The following TFCP2L1 variants were observed in gnomAD, a reference collection of about 807,000 sequenced individuals.
TFCP2L1 encodes the protein transcription factor CP2-like protein 1.
In TFCP2L1, 12 loss-of-function variants were observed where a neutral mutation model predicts 72.2. The observed-to-expected ratio is 0.17, with a 90% CI of 0.11 to 0.27. TFCP2L1 has a LOEUF of 0.27. Among genes scored for constraint, TFCP2L1 ranks in the 10% least tolerant of loss-of-function variants. TFCP2L1 has a pLI of 1.00. For missense variants in TFCP2L1, 488 were observed against 624.6 expected (o/e 0.78, Z 2.33); for synonymous variants, 260 against 251.0 (o/e 1.04, Z -0.34).
At chr2:121,263,810 C>A (rs905973684) in intron 2 of TFCP2L1, among the ~76,000 whole-genome samples, 3 of 152,216 alleles carry the variant, frequency 2.0e-5, no homozygotes, top group Non-Finnish European at 4.4e-5. Flanking sequence ...TATACTGGAG[C>A]CAGGGATAAC....
At chr2:121,246,265 A>G (rs1269304542) in intron 6 of TFCP2L1, among the ~76,000 whole-genome samples, 2 of 152,246 alleles carry the variant, frequency 1.3e-5, no homozygotes, top group African/African-American at 4.8e-5. Flanking sequence ...CAGATTGAAG[A>G]GATGGAAAAT....
At chr2:121,247,133 G>A (rs534861585) in intron 5 of TFCP2L1, among the ~76,000 whole-genome samples, 163 bp from the exon 6 acceptor site, 33 of 152,136 alleles carry the variant, frequency 2.2e-4, no homozygotes, top group South Asian at 2.1e-4. Flanking sequence ...CCATCAGGCC[G>A]GTGGCCTCCC....
chr2:121,270,708 G>GA (rs966525882), intron 2 of TFCP2L1, among the ~76,000 whole-genome samples: 59 of 146,830 alleles, frequency 4.0e-4, no homozygotes, highest in Non-Finnish European at 6.6e-4. Context: ...TTGTTTGGGG[G>GA]AAAAAAAAAA....
intron 2 of TFCP2L1, among the ~76,000 whole-genome samples, chr2:121,278,381 ACT>A (rs1003022363): frequency 1.4e-5 from 2 of 144,026 alleles, no homozygotes; most frequent in African/African-American, 5.1e-5. Context: ...AACTTTTAAA[ACT>A]CTTTTTAAAA....
chr2:121,238,521 T>C (rs1686297460), intron 8 of TFCP2L1, among the ~76,000 whole-genome samples: 1 of 152,138 alleles, frequency 6.6e-6, no homozygotes, highest in Non-Finnish European at 1.5e-5. Flanking sequence ...GACTGCACAC[T>C]TAAAAATGGT....
chr2:121,271,873 G>C (rs1558744995), intron 2 of TFCP2L1, among the ~76,000 whole-genome samples: 1 of 152,188 alleles, frequency 6.6e-6, no homozygotes, highest in Non-Finnish European at 1.5e-5. Context: ...CCCTGAGGTT[G>C]CTGTGAGTGG....
At chr2:121,230,708 G>C (rs1686123708) in intron 13 of TFCP2L1, among the ~76,000 whole-genome samples, 1 of 152,140 alleles carries the variant, frequency 6.6e-6, no homozygotes, top group Non-Finnish European at 1.5e-5. Flanking sequence ...GGGAGGTGGA[G>C]GTTGCAGTAA....
At chr2:121,263,557 A>G (rs1686869205) in intron 2 of TFCP2L1, among the ~76,000 whole-genome samples, 1 of 152,150 alleles carries the variant, frequency 6.6e-6, no homozygotes, top group Admixed American at 6.5e-5. Flanking sequence ...TCAGACAAAT[A>G]CAAATCAAAA....
chr2:121,275,561 A>C (rs2104760710), intron 2 of TFCP2L1, among the ~76,000 whole-genome samples: 1 of 151,034 alleles, frequency 6.6e-6, no homozygotes, highest in South Asian at 2.1e-4. Context: ...AAAGTATAGA[A>C]GTAAGTCTTT....
intron 1 of TFCP2L1, among the ~76,000 whole-genome samples, chr2:121,281,524 G>C (rs1687261435): frequency 6.6e-6 from 1 of 152,114 alleles, no homozygotes; most frequent in African/African-American, 2.4e-5. Context: ...CCATCAAGGA[G>C]GTAAAAGGGC....
At chr2:121,268,825 C>T (rs951333322) in intron 2 of TFCP2L1, among the ~76,000 whole-genome samples, 4 of 149,484 alleles carry the variant, frequency 2.7e-5, no homozygotes, top group Non-Finnish European at 5.9e-5. Context: ...ATACTAGATA[C>T]CTTTCACGGC....
chr2:121,246,719 G>A (rs1438571913), intron 6 of TFCP2L1, 99 bp downstream of exon 6: 20 of 1,489,248 alleles, frequency 1.3e-5, no homozygotes, highest in East Asian at 4.6e-5. Context: ...TGCGTTCCTC[G>A]CTGGGCCTGT....
intron 2 of TFCP2L1, among the ~76,000 whole-genome samples, chr2:121,279,985 C>T (rs181879120): frequency 1.3e-5 from 2 of 152,168 alleles, no homozygotes; most frequent in South Asian, 2.1e-4. Context: ...GGTCATGAGA[C>T]GACCCAGAAG....
At chr2:121,262,331 G>T (rs1686842272) in intron 2 of TFCP2L1, among the ~76,000 whole-genome samples, 1 of 152,100 alleles carries the variant, frequency 6.6e-6, no homozygotes, top group African/African-American at 2.4e-5. Flanking sequence ...CGGGCGTGGT[G>T]GCGGGCGCCT....
chr2:121,245,636 C>G (rs1358906605), intron 6 of TFCP2L1, among the ~76,000 whole-genome samples: 1 of 152,208 alleles, frequency 6.6e-6, no homozygotes, highest in Non-Finnish European at 1.5e-5. Context: ...GCTGTGTGGT[C>G]TCCTGAGTGC....
At position 121,240,590 on chromosome 2, in the gene TFCP2L1, C is replaced by T. The variant is rs184826021; in HGVS notation, c.769-941G>A. The T allele has an allele frequency of 3.4e-4, 331 of 985,450 alleles. No homozygotes were observed. The African/African-American group carries it at 5.6e-3, about 17-fold the overall frequency. The allele number at this position is 985,450 out of a possible 1,614,324, so 61.0% of individuals were successfully genotyped here. A position where few individuals can be genotyped will look rare whatever the true frequency, so the allele number is the denominator to read the frequency against. On this transcript the variant is annotated intron_variant, in intron 7 of 14. Transcript: ENST00000263707. Reference sequence around the variant, plus strand: ...GGTGCCTCCCAGGGTGGGCTTTCAACTACGCTGCACTGTGGCAAGGGCTTG... The same window carrying T: ...GGTGCCTCCCAGGGTGGGCTTTCAATTACGCTGCACTGTGGCAAGGGCTTG...
Position 121,281,689 on chromosome 2 carries a change from A to G in TFCP2L1, c.63-418T>C, listed in dbSNP as rs1229119288. Among the ~76,000 whole-genome samples the G allele has an allele frequency of 5.3e-5, 8 of 152,276 alleles. No individual in the cohort carries two copies. In the East Asian group the frequency reaches 9.7e-4, roughly 18 times the overall value. ...ATCTAAACAAACATTTTTATTTTTTAATCAACAATTCCATTTACCGGCCAC... is the reference window on the plus strand; with the variant it reads ...ATCTAAACAAACATTTTTATTTTTTGATCAACAATTCCATTTACCGGCCAC... On this transcript the variant is annotated intron_variant, in intron 1 of 14. Transcript: ENST00000263707.
intron 14 of TFCP2L1, among the ~76,000 whole-genome samples, chr2:121,225,246 G>A (rs941540381): frequency 1.3e-5 from 2 of 152,030 alleles, no homozygotes; most frequent in African/African-American, 4.8e-5. Flanking sequence ...CCCGACCCAC[G>A]CTACCTGCAG....
chr2:121,231,681 G>A, intron 13 of TFCP2L1, 145 bp downstream of exon 13: 2 of 1,246,286 alleles, frequency 1.6e-6, no homozygotes, highest in Non-Finnish European at 2.2e-6. Context: ...CTCCATCGCA[G>A]CCCCGGACAG....
Sources: allele counts gnomAD v4.1 joint callset (sites outside exome capture counted in the v4.1 genomes callset), GRCh38; gene constraint gnomAD v4.1.1; transcripts MANE v1.5; gene names NCBI Gene and HGNC (gene_info 2026-07-23, HGNC 2026-07-21).